C19orf38: variants seen among roughly 807,000 people sequenced by gnomAD.
The protein encoded by C19orf38 is protein HIDE1.
Under a neutral mutation model 26.6 loss-of-function variants are expected in C19orf38, and 14 were observed. The ratio of observed to expected loss-of-function variants is 0.53; its 90% CI spans 0.35 to 0.82. The LOEUF (loss-of-function observed/expected upper bound fraction) is 0.82. Among genes scored for constraint, C19orf38 ranks in the 40% least tolerant of loss-of-function variants. The probability of loss-of-function intolerance (pLI) is 0.01; values close to 1 mark genes in which losing one functional copy is unlikely to be tolerated. For synonymous variants in C19orf38, 132 were observed against 128.5 expected, an observed-to-expected ratio of 1.03 and a Z score of -0.18; for missense variants, 261 against 299.5, an observed-to-expected ratio of 0.87 and a Z score of 0.95.
intron 3 of C19orf38, 71 bp downstream of exon 3, chr19:10,856,428 C>A: frequency 2.5e-6 from 3 of 1,192,236 alleles, no homozygotes; most frequent in Non-Finnish European, 2.4e-6. Flanking sequence ...TGTGCTTACA[C>A]TCACAACTCA....
intron 6 of C19orf38, 77 bp from the exon 7 acceptor site, chr19:10,869,141 G>C (rs2073779104): frequency 6.6e-7 from 1 of 1,526,188 alleles, no homozygotes; most frequent in Admixed American, 2.0e-5. Context: ...CAGAGTCTCA[G>C]GCTCAGAACA....
In C19orf38 at chr19:10,850,456, G is replaced by A. The variant is rs199565320; in HGVS notation, c.229G>A (p.Gly77Ser). 7.7e-4 allele frequency: 1,196 copies of A among 1,551,484 alleles called. 4 individuals are homozygous for A. The African/African-American group carries it at 0.01, about 14-fold the overall frequency. ...QRGVTFNLSG[G>S]SSKAPGGPFH... ...CGGGGTGACATTTAACCTGAGCGGCGGCAGCAGCAAGGCTCCAGGGGGACC... is the reference window on the plus strand; with the variant it reads ...CGGGGTGACATTTAACCTGAGCGGCAGCAGCAGCAAGGCTCCAGGGGGACC... The change falls in exon 2 of 7, where the codon GGC (glycine) becomes AGC (serine). Residue 77 changes from glycine to serine, a missense_variant. Transcript: ENST00000397820.
chr19:10,854,166 G>T (rs527924000), intron 2 of C19orf38, among the ~76,000 whole-genome samples: 1 of 151,352 alleles, frequency 6.6e-6, no homozygotes, highest in African/African-American at 2.4e-5. Context: ...AGGCTCAAGC[G>T]ATTCTCGTGC....
rs924370419 is a variant in C19orf38 at position 10,848,651 on chromosome 19, G to C, written c.31+112G>C. On this transcript the variant is annotated intron_variant, in intron 1 of 6. Transcript: ENST00000397820. ...CAGGGGCTGCCGTTCTCAGGGCATC[G>C]AGGAGGCTGAGCCCTTGGCAGATGG... is the stretch of plus-strand genomic sequence containing the variant. 4.2e-5 allele frequency: 42 copies of C among 1,004,648 alleles called. 2 individuals carry two copies. In the South Asian group the frequency reaches 5.6e-4, roughly 14 times the overall value. 62.2% of individuals were successfully genotyped at this position (1,004,648 alleles called of 1,614,324 possible).
At chr19:10,851,974 CA>C (rs903489432) in intron 2 of C19orf38, among the ~76,000 whole-genome samples, 1,107 of 48,526 alleles carry the variant, frequency 0.023, 6 homozygotes, top group African/African-American at 0.053. Flanking sequence ...GACTCCGTCT[CA>C]AAAAAAAAAA....
intron 6 of C19orf38, among the ~76,000 whole-genome samples, 153 bp from the exon 7 acceptor site, chr19:10,869,062 CAGG>C (rs959492531): frequency 2.6e-5 from 4 of 151,100 alleles, no homozygotes; most frequent in Admixed American, 2.0e-4. Context: ...GAGAGGAAGG[CAGG>C]AGAAGGGAAG....
chr19:10,867,641 CTTTTTTTTTTTTTTTT>C (rs953156656), intron 6 of C19orf38, among the ~76,000 whole-genome samples: 3 of 58,840 alleles, frequency 5.1e-5, no homozygotes, highest in South Asian at 6.3e-4. Context: ...GAAGAACATT[CTTTTTTTTTTTTTTTT>C]TTTTTTTTTT....
chr19:10,866,595 C>T (rs2073754470), intron 6 of C19orf38, among the ~76,000 whole-genome samples: 2 of 151,920 alleles, frequency 1.3e-5, no homozygotes, highest in South Asian at 4.2e-4. Context: ...AAGCAATTCT[C>T]ATGTCTCAGC....
At chr19:10,867,260 G>A (rs182310156) in intron 6 of C19orf38, among the ~76,000 whole-genome samples, 7 of 105,458 alleles carry the variant, frequency 6.6e-5, no homozygotes, top group Non-Finnish European at 1.2e-4. Flanking sequence ...GGCCTGTTTC[G>A]CTGAGCTTGA....
At chr19:10,860,257 G>C (rs964811528) in intron 5 of C19orf38, among the ~76,000 whole-genome samples, 3 of 152,064 alleles carry the variant, frequency 2.0e-5, no homozygotes, top group Admixed American at 1.3e-4. Context: ...TAGGCGGCCA[G>C]GCGCGGTGAC....
At chr19:10,851,264 G>T (rs1205287552) in intron 2 of C19orf38, among the ~76,000 whole-genome samples, 1 of 151,398 alleles carries the variant, frequency 6.6e-6, no homozygotes, top group Admixed American at 6.6e-5. Context: ...ATGTTGGCCA[G>T]GCCAGTCTCG....
At chr19:10,854,555 T>G (rs1037801433) in intron 2 of C19orf38, among the ~76,000 whole-genome samples, 1 of 152,114 alleles carries the variant, frequency 6.6e-6, no homozygotes, top group Admixed American at 6.6e-5. Context: ...CTGCCCCAGG[T>G]GAATCAATGA....
chr19:10,859,327 T>C (rs1364494320), intron 4 of C19orf38, among the ~76,000 whole-genome samples: 1 of 130,694 alleles, frequency 7.7e-6, no homozygotes, highest in African/African-American at 2.9e-5. Flanking sequence ...TGTGTGTGTA[T>C]GTATGTGTGT....
At chr19:10,839,548 C>G (rs1468130764) in intron 1 of C19orf38, among the ~76,000 whole-genome samples, 2 of 152,106 alleles carry the variant, frequency 1.3e-5, no homozygotes, top group Non-Finnish European at 2.9e-5. Flanking sequence ...CTTTTTGCCT[C>G]TAGGGATTTA....
chr19:10,839,800 C>T (rs1599652988), intron 1 of C19orf38, among the ~76,000 whole-genome samples: 2 of 150,096 alleles, frequency 1.3e-5, no homozygotes, highest in Non-Finnish European at 3.0e-5. Context: ...GTGATCACAG[C>T]TCACCGCACC....
intron 4 of C19orf38, among the ~76,000 whole-genome samples, chr19:10,859,266 G>GTGTGTGTGTGTATGTGTGTGTGTATA (rs1377866969): frequency 7.2e-6 from 1 of 138,590 alleles, no homozygotes; most frequent in Non-Finnish European, 1.6e-5. Context: ...GTGTGTGTGT[G>GTGTGTGTGTGTATGTGTGTGTGTATA]TGTGTGTGTG....
intron 3 of C19orf38, among the ~76,000 whole-genome samples, chr19:10,857,095 C>T (rs1433354044): frequency 1.3e-5 from 2 of 151,556 alleles, no homozygotes; most frequent in African/African-American, 4.8e-5. Flanking sequence ...CCACACCTGG[C>T]TAATTTTTAA....
rs2073651485 is a variant in C19orf38, at chr19:10,858,243, A to AC, written c.434-73_434-72insC. ...ACTCTGTCTAAAAAAAAAAAAAAAA[A>AC]AAAAAAAAACAGAAATTGCCGGATA... On this transcript the variant is annotated intron_variant, in intron 3 of 6. Coordinates refer to ENST00000397820, the MANE Select transcript of C19orf38 (RefSeq NM_001136482.3). 12 of 1,225,764 alleles carry AC rather than the reference A, an allele frequency of 9.8e-6. No individual in the cohort carries two copies. The African/African-American group carries it at 1.1e-4, about 11-fold the overall frequency. The allele number at this position is 1,225,764 out of a possible 1,614,324, so 75.9% of individuals were successfully genotyped here.
chr19:10,861,609 A>G (rs1279514443), intron 5 of C19orf38, among the ~76,000 whole-genome samples: 7 of 151,664 alleles, frequency 4.6e-5, no homozygotes, highest in Admixed American at 2.6e-4. Flanking sequence ...ATGGAGTCTC[A>G]TTGTGTCGCC....
Sources: gnomAD v4.1 joint callset for allele counts (sites outside exome capture counted in the v4.1 genomes callset) on GRCh38, gnomAD v4.1.1 for gene constraint, MANE v1.5 for transcripts, NCBI Gene and HGNC (gene_info 2026-07-23, HGNC 2026-07-21) for gene names.